Variants in FNIP2 observed in about 807,000 individuals in gnomAD.
FNIP2 encodes the protein folliculin-interacting protein 2.
In FNIP2, 32 loss-of-function variants were observed where a neutral mutation model predicts 108.7. The ratio of observed to expected loss-of-function variants is 0.29; its 90% CI spans 0.22 to 0.40. The LOEUF (loss-of-function observed/expected upper bound fraction) is 0.40. Among genes scored for constraint, FNIP2 ranks in the 10% least tolerant of loss-of-function variants. The pLI is 1.00. For synonymous variants in FNIP2, 480 were observed against 496.7 expected (o/e 0.97, Z 0.45); for missense variants, 1,202 against 1,381.6 (o/e 0.87, Z 2.06).
intron 14 of FNIP2, among the ~76,000 whole-genome samples, chr4:158,875,588 A>G (rs1230559833): frequency 1.4e-5 from 2 of 147,316 alleles, no homozygotes; most frequent in Non-Finnish European, 3.0e-5. Flanking sequence ...AACCTGTAGG[A>G]CTATAAAAGA....
rs749605588 is a variant in FNIP2 at position 158,869,178 on chromosome 4, C to G, written c.2542C>G (p.Pro848Ala). Residue 848 changes from proline to alanine, a missense_variant, in exon 13 of 17, where the codon CCT becomes GCT. Around this residue, in one of 5 missense-constraint regions of FNIP2, gnomAD observed 878 missense variants for 990.3 expected, o/e 0.89. Coordinates refer to ENST00000264433, the MANE Select transcript of FNIP2 (RefSeq NM_020840.3). The stretch of plus-strand genomic sequence containing the variant: ...TTTGTATGTGAAGGCTGCGGAAGGA[C>G]CTGTGCTGGAGCCTGTTGCCCCCAG... The part of the protein sequence containing the change: ...RGLYVKAAEG[P>A]VLEPVAPRCV... 6 of 1,614,048 alleles carry G rather than the reference C, an allele frequency of 3.7e-6. No homozygotes were observed. The highest frequency in any genetic ancestry group is 4.2e-6 in the Non-Finnish European group (5 of 1,179,900).
rs558345235 is a variant in FNIP2, at chr4:158,787,772, G to A, written c.107+18453G>A. ...CTTTCTGGCATTGAGGGACTGAGAC[G>A]TAAATTATGTAACTCTGAAAATCAA... On this transcript the variant is annotated intron_variant, in intron 1 of 16. Transcript: ENST00000264433. 1.1e-4 allele frequency among the ~76,000 whole-genome samples: 17 copies of A among 152,242 alleles called. No individual in the cohort carries two copies. The East Asian group carries it at 1.2e-3, about 10-fold the overall frequency.
At chr4:158,833,832 G>T in intron 6 of FNIP2, 5 of 1,505,000 alleles carry the variant, frequency 3.3e-6, no homozygotes, top group Non-Finnish European at 4.4e-6. Flanking sequence ...GCAAACTGCT[G>T]CAGGGGGTAG....
chr4:158,867,967 G>A (rs935498518), intron 12 of FNIP2, 135 bp from the exon 13 acceptor site: 17 of 1,263,168 alleles, frequency 1.3e-5, no homozygotes, highest in Non-Finnish European at 1.8e-5. Flanking sequence ...TTACTAGAGA[G>A]TAGAAATCAT....
intron 1 of FNIP2, among the ~76,000 whole-genome samples, chr4:158,774,415 ATAACT>A (rs1422933995): frequency 6.6e-6 from 1 of 152,342 alleles, no homozygotes; most frequent in East Asian, 1.9e-4. Flanking sequence ...ACTATTTAAG[ATAACT>A]TAAATAGCAT....
At chr4:158,880,131 GAC>G (rs1420523200) in intron 14 of FNIP2, among the ~76,000 whole-genome samples, 1 of 149,446 alleles carries the variant, frequency 6.7e-6, no homozygotes, top group African/African-American at 2.5e-5. Flanking sequence ...CTGCTATAAA[GAC>G]ACATGCACAC....
In FNIP2 at chr4:158,868,747, C is replaced by T; in HGVS notation, c.2111C>T (p.Pro704Leu). 6.2e-7 allele frequency: 1 copy of T among 1,613,970 alleles called. No homozygotes were observed. Among genetic ancestry groups the T allele is most frequent in the Non-Finnish European group, 8.5e-7 (1 of 1,179,904 alleles). The change falls in exon 13 of 17, where the codon CCT (proline) becomes CTT (leucine). Residue 704 changes from proline (P) to leucine (L), a missense_variant. This residue lies in a region of FNIP2 where 878 missense variants were observed against 990.3 expected (regional missense o/e 0.89). Transcript: ENST00000264433. This position sits in a 1 kb window ranked among gnomAD's most constrained non-coding sequence, Gnocchi z 4.6. ...LPDRSVAWPC[P>L]DRHLREKPSL... ...GACCGGTCAGTGGCCTGGCCTTGCC[C>T]TGACAGACATCTCCGGGAGAAACCT...
At chr4:158,848,980 A>G (rs1259370931) in intron 7 of FNIP2, among the ~76,000 whole-genome samples, 41 of 152,180 alleles carry the variant, frequency 2.7e-4, no homozygotes, top group Admixed American at 2.6e-3. Context: ...GGTTGATCTT[A>G]TAGTCACAGA....
chr4:158,876,659 G>T (rs1237148689), intron 14 of FNIP2, among the ~76,000 whole-genome samples: 3 of 152,188 alleles, frequency 2.0e-5, no homozygotes, highest in Non-Finnish European at 4.4e-5. Context: ...AGAAAGCAGG[G>T]ACTTTATTTT....
intron 1 of FNIP2, among the ~76,000 whole-genome samples, chr4:158,781,725 C>T (rs1560750931): frequency 6.6e-6 from 1 of 152,126 alleles, no homozygotes; most frequent in Non-Finnish European, 1.5e-5. Context: ...GCATGTTGGC[C>T]AGGCTGGTCT....
Position 158,883,949 on chromosome 4 carries a change from C to CTTTTTTTT in FNIP2, c.2950-7484_2950-7477dup, listed in dbSNP as rs33942642. Among the ~76,000 whole-genome samples, 3 of 89,000 alleles carry CTTTTTTTT rather than the reference C, an allele frequency of 3.4e-5. 1 individual carries two copies. Among genetic ancestry groups the CTTTTTTTT allele is most frequent in the Non-Finnish European group, 6.8e-5 (3 of 44,428 alleles). The allele number at this position is 89,000 out of a possible 152,430, so 58.4% of individuals were successfully genotyped here. Reference sequence around the variant, plus strand: ...TACATGCCAAGATACTTAATAAGCTCTTTTTTTTTTTTTTTTTTTTGTCCT... The same window carrying CTTTTTTTT: ...TACATGCCAAGATACTTAATAAGCTCTTTTTTTTTTTTTTTTTTTTTTTTTTTTGTCCT... On this transcript the variant is annotated intron_variant, in intron 14 of 16. Coordinates refer to ENST00000264433, the MANE Select transcript of FNIP2 (RefSeq NM_020840.3).
At chr4:158,815,810 A>G (rs900962383) in intron 1 of FNIP2, among the ~76,000 whole-genome samples, 1 of 152,166 alleles carries the variant, frequency 6.6e-6, no homozygotes, top group African/African-American at 2.4e-5. Context: ...CTTTCTATAC[A>G]CAATATTTTA....
intron 15 of FNIP2, among the ~76,000 whole-genome samples, chr4:158,892,273 AC>A (rs1266739231): frequency 1.3e-5 from 2 of 150,916 alleles, no homozygotes; most frequent in Non-Finnish European, 2.9e-5. Context: ...GAGTAGTTGG[AC>A]TAGAGGCATG....
chr4:158,826,154 T>G, intron 2 of FNIP2, 112 bp downstream of exon 2: 1 of 1,379,308 alleles, frequency 7.3e-7, no homozygotes, highest in Non-Finnish European at 9.7e-7. Flanking sequence ...ACAGTGCCAT[T>G]AATGGTTCAG....
At chr4:158,841,878 T>C (rs1779153480) in intron 7 of FNIP2, among the ~76,000 whole-genome samples, 1 of 152,238 alleles carries the variant, frequency 6.6e-6, no homozygotes, top group South Asian at 2.1e-4. Flanking sequence ...TGTGTTGGTG[T>C]TGTCCTTTTT....
At chr4:158,896,169 C>T (rs1260857561) in intron 16 of FNIP2, among the ~76,000 whole-genome samples, 1 of 152,208 alleles carries the variant, frequency 6.6e-6, no homozygotes, top group African/African-American at 2.4e-5. Context: ...TTTCTAGTAA[C>T]TGAATAAGAT....
intron 16 of FNIP2, among the ~76,000 whole-genome samples, chr4:158,899,459 G>A (rs538765407): frequency 2.6e-5 from 4 of 152,276 alleles, no homozygotes; most frequent in African/African-American, 9.6e-5. Context: ...GGTAGAATTT[G>A]GCTGTGAATC....
chr4:158,874,731 G>A (rs1781160460), intron 14 of FNIP2, among the ~76,000 whole-genome samples: 1 of 151,890 alleles, frequency 6.6e-6, no homozygotes, highest in African/African-American at 2.4e-5. Flanking sequence ...ATATGGGAGA[G>A]CAGAATGACA....
chr4:158,837,399 C>T (rs181162990), intron 7 of FNIP2, among the ~76,000 whole-genome samples: 33 of 152,258 alleles, frequency 2.2e-4, no homozygotes, highest in Admixed American at 3.9e-4. Context: ...GTTTATGCCC[C>T]TTTTTGTTGT....
Sources: allele counts gnomAD v4.1 joint callset (sites outside exome capture counted in the v4.1 genomes callset), GRCh38; gene constraint gnomAD v4.1.1; regional missense constraint gnomAD v4.1.1; non-coding constraint Gnocchi (gnomAD v3.1); transcripts MANE v1.5; gene names NCBI Gene and HGNC (gene_info 2026-07-23, HGNC 2026-07-21).